LSM14A: variants seen among roughly 807,000 people sequenced by gnomAD.
LSM14A encodes the protein LSM14A mRNA processing body assembly factor.
Under a neutral mutation model 52.4 loss-of-function variants are expected in LSM14A, and 14 were observed. That is an observed-to-expected ratio of 0.27 (90% confidence interval 0.18 to 0.42). The LOEUF (loss-of-function observed/expected upper bound fraction) is 0.42. Ranked by LOEUF, LSM14A falls within the 10% of genes least tolerant of loss-of-function variation. LSM14A has a pLI of 1.00. For missense variants in LSM14A, 417 were observed against 581.8 expected (o/e 0.72, Z 2.91); for synonymous variants, 185 against 200.3 (o/e 0.92, Z 0.64).
chr19:34,204,841 A>G (rs2071562984), intron 3 of LSM14A, among the ~76,000 whole-genome samples: 1 of 152,202 alleles, frequency 6.6e-6, no homozygotes, highest in South Asian at 2.1e-4. Flanking sequence ...TTAGAAAACA[A>G]GAATTTTCGG....
At chr19:34,200,629 T>C (rs747721271) in intron 3 of LSM14A, among the ~76,000 whole-genome samples, 1 of 152,222 alleles carries the variant, frequency 6.6e-6, no homozygotes, top group Non-Finnish European at 1.5e-5. Flanking sequence ...TATATTGATA[T>C]TCTGTGTACT....
At chr19:34,212,295 A>G (rs1260626) in intron 4 of LSM14A, among the ~76,000 whole-genome samples, 52,467 of 152,044 alleles carry the variant, frequency 0.35, 9,488 homozygotes, top group African/African-American at 0.38. Context: ...CCTGCACACT[A>G]GCCTAGGCAA....
chr19:34,219,464 G>A lies in LSM14A; in HGVS notation c.855G>A (p.Arg285=), dbSNP rs995254134. ...GTGGCAGGGGAAGATTTGGTATTCGGCGAGATGGGCCAATGAAATTTGAGA... is the reference window on the plus strand; with the variant it reads ...GTGGCAGGGGAAGATTTGGTATTCGACGAGATGGGCCAATGAAATTTGAGA... ...HRGGRGRFGI[R]RDGPMKFEKD... The change falls in exon 7 of 10, where the codon CGG becomes CGA. Residue 285 remains arginine (R), a synonymous_variant. Transcript: ENST00000544216. The A allele has an allele frequency of 6.2e-7, 1 of 1,613,924 alleles. No individual in the cohort carries two copies. The highest frequency in any genetic ancestry group is 8.5e-7 in the Non-Finnish European group (1 of 1,180,002).
At chr19:34,221,081 CTTT>C (rs34608536) in intron 8 of LSM14A, among the ~76,000 whole-genome samples, 9 of 124,836 alleles carry the variant, frequency 7.2e-5, no homozygotes, top group Admixed American at 2.5e-4. Flanking sequence ...AGATAAGATG[CTTT>C]TTTTTTTTTT....
chr19:34,214,509 A>G (rs2072428971), intron 4 of LSM14A, among the ~76,000 whole-genome samples: 1 of 152,046 alleles, frequency 6.6e-6, no homozygotes, highest in South Asian at 2.1e-4. Flanking sequence ...GGGTTTCGCC[A>G]TGTTGCCTAG....
intron 3 of LSM14A, among the ~76,000 whole-genome samples, chr19:34,202,826 T>A (rs2071399510): frequency 6.6e-6 from 1 of 152,036 alleles, no homozygotes; most frequent in South Asian, 2.1e-4. Context: ...GGGTAATTTT[T>A]TGTATTTTTT....
At position 34,228,397 on chromosome 19, in the gene LSM14A, T is replaced by G. The variant is rs1181133621; in HGVS notation, c.*1009T>G. The G allele has an allele frequency of 6.6e-6, 1 of 152,656 alleles. No individual in the cohort carries two copies. The highest frequency in any genetic ancestry group is 6.5e-5 in the Admixed American group (1 of 15,286). 9.5% of individuals were successfully genotyped at this position (152,656 alleles called of 1,614,324 possible). On this transcript the variant is annotated 3_prime_UTR_variant, in exon 10 of 10. Coordinates refer to ENST00000544216, the MANE Select transcript of LSM14A (RefSeq NM_015578.4). ...TAGCTGTATTTTCAAATAAGTAATC[T>G]TCCCCCCTTTTGTAGGACTTTAAAA...
intron 3 of LSM14A, among the ~76,000 whole-genome samples, chr19:34,203,551 G>A (rs534656537): frequency 6.6e-6 from 1 of 152,268 alleles, no homozygotes; most frequent in East Asian, 1.9e-4. Flanking sequence ...TGTAATCCCA[G>A]CACTTTGGGA....
chr19:34,207,468 G>A (rs2071787638), intron 3 of LSM14A, among the ~76,000 whole-genome samples: 1 of 151,950 alleles, frequency 6.6e-6, no homozygotes, highest in Non-Finnish European at 1.5e-5. Flanking sequence ...AGACTGGACT[G>A]CACCTCCAAG....
chr19:34,204,711 T>A (rs2071552307), intron 3 of LSM14A, among the ~76,000 whole-genome samples: 1 of 152,164 alleles, frequency 6.6e-6, no homozygotes, highest in South Asian at 2.1e-4. Context: ...GAGCTAGACC[T>A]TTTCTCTAAA....
chr19:34,221,070 TAGATA>T (rs562975004), intron 8 of LSM14A, among the ~76,000 whole-genome samples: 216 of 150,834 alleles, frequency 1.4e-3, no homozygotes, highest in African/African-American at 4.9e-3. Context: ...CGTGATAACT[TAGATA>T]AGATGCTTTT....
chr19:34,192,316 G>GGTTTTTTTTTTTTTTT (rs1341848304), intron 1 of LSM14A, among the ~76,000 whole-genome samples: 1 of 65,822 alleles, frequency 1.5e-5, no homozygotes, highest in Non-Finnish European at 2.9e-5. Context: ...CATTCTTTTT[G>GGTTTTTTTTTTTTTTT]TTGTTTTTTT....
Position 34,192,321 on chromosome 19 carries a change from T to TTG in LSM14A, c.122-2156_122-2155insGT, listed in dbSNP as rs1568479833. 2.8e-5 allele frequency among the ~76,000 whole-genome samples: 2 copies of TTG among 72,702 alleles called. 1 individual carries two copies. The highest frequency in any genetic ancestry group is 5.2e-5 in the Non-Finnish European group (2 of 38,782). The allele number at this position is 72,702 out of a possible 152,430, so 47.7% of individuals were successfully genotyped here. A position where few individuals can be genotyped will look rare whatever the true frequency, so the allele number is the denominator to read the frequency against. On this transcript the variant is annotated intron_variant, in intron 1 of 9. Transcript: ENST00000544216. ...ACTGAAATAACATTCTTTTTGTTGT[T>TTG]TTTTTTTTTTTTTTTTTTTTTGGAG...
intron 3 of LSM14A, among the ~76,000 whole-genome samples, chr19:34,205,435 G>A (rs957391956): frequency 1.5e-5 from 2 of 134,306 alleles, no homozygotes; most frequent in East Asian, 4.8e-4. Flanking sequence ...GCAGTGAGCC[G>A]AGATCACACC....
chr19:34,214,466 G>A (rs1568495289), intron 4 of LSM14A, among the ~76,000 whole-genome samples: 5 of 151,872 alleles, frequency 3.3e-5, no homozygotes, highest in East Asian at 1.9e-4. Flanking sequence ...GCGCCACCAC[G>A]CCTGGCTAAT....
At chr19:34,215,741 T>TA in intron 6 of LSM14A, 80 bp downstream of exon 6, 3 of 1,036,578 alleles carry the variant, frequency 2.9e-6, no homozygotes, top group South Asian at 2.8e-5. Context: ...ATAATTACTA[T>TA]AAAAAAATGA....
chr19:34,206,704 A>G (rs1296480872), intron 3 of LSM14A, among the ~76,000 whole-genome samples: 1 of 152,160 alleles, frequency 6.6e-6, no homozygotes, highest in Non-Finnish European at 1.5e-5. Flanking sequence ...CAGAGAATAC[A>G]GGAAGAGGAA....
At chr19:34,189,627 GA>G (rs941911231) in intron 1 of LSM14A, among the ~76,000 whole-genome samples, 49 of 148,380 alleles carry the variant, frequency 3.3e-4, no homozygotes, top group South Asian at 6.4e-4. Flanking sequence ...TGTTATGAAT[GA>G]AAAAAAAAAT....
In LSM14A at chr19:34,227,869, G is replaced by A. The variant is rs918881276; in HGVS notation, c.*481G>A. The A allele has an allele frequency of 3.9e-5, 6 of 152,330 alleles. No individual in the cohort carries two copies. The highest frequency in any genetic ancestry group is 1.5e-4 in the African/African-American group (6 of 40,984). 9.4% of individuals were successfully genotyped at this position (152,330 alleles called of 1,614,324 possible). ...TTCCTCCTTTCTTTTGGGGAATCCT[G>A]TAATATGAGGTAGCTTATTTCGTCA... On this transcript the variant is annotated 3_prime_UTR_variant, in exon 10 of 10. Transcript: ENST00000544216.
Sources: gnomAD v4.1 joint callset for allele counts (sites outside exome capture counted in the v4.1 genomes callset) on GRCh38, gnomAD v4.1.1 for gene constraint, MANE v1.5 for transcripts, NCBI Gene and HGNC (gene_info 2026-07-23, HGNC 2026-07-21) for gene names.